FMNL1: variants seen among roughly 807,000 people sequenced by gnomAD.
FMNL1 encodes the protein formin-like protein 1.
A neutral mutation model predicts 121.3 loss-of-function variants in FMNL1; 43 were observed. That is an observed-to-expected ratio of 0.35 (90% CI 0.28 to 0.46). FMNL1 has a LOEUF of 0.46. Among genes scored for constraint, FMNL1 ranks in the 20% least tolerant of loss-of-function variants. The pLI is 1.00. For synonymous variants in FMNL1, 613 were observed against 613.5 expected (o/e 1.00, Z 0.01); for missense variants, 1,191 against 1,482.4 (o/e 0.80, Z 3.23).
intron 7 of FMNL1, 75 bp downstream of exon 7, chr17:45,236,319 G>C (rs1187934980): frequency 2.4e-6 from 3 of 1,268,372 alleles, no homozygotes; most frequent in Non-Finnish European, 3.4e-6. Context: ...AGCTGCCGAG[G>C]CTCTGGGATC....
At chr17:45,238,244 C>G (rs1246621483) in intron 9 of FMNL1, 1 of 293,804 alleles carries the variant, frequency 3.4e-6, no homozygotes, top group African/African-American at 2.2e-5. Context: ...TCAGGGAAGG[C>G]CTCACTGAGC....
chr17:45,234,374 CAG>C (rs2043506351), intron 6 of FMNL1, 174 bp downstream of exon 6: 1 of 1,135,436 alleles, frequency 8.8e-7, no homozygotes, highest in Non-Finnish European at 1.3e-6. Context: ...AAGAAGCCAT[CAG>C]GGGTGGGGCT....
chr17:45,229,352 C>T (rs921381714), intron 1 of FMNL1, among the ~76,000 whole-genome samples: 6 of 152,206 alleles, frequency 3.9e-5, no homozygotes, highest in South Asian at 2.1e-4. Context: ...GGCTGGAGCC[C>T]CAGAACTAGG....
chr17:45,232,347 A>G lies in FMNL1; in HGVS notation c.214-20A>G. The G allele has an allele frequency of 6.2e-7, 1 of 1,611,452 alleles. No homozygotes were observed. Among genetic ancestry groups the G allele is most frequent in the East Asian group, 2.2e-5 (1 of 44,854 alleles). ...GGTAGCTCTGGCTGGTTTTCTGTAC[A>G]CCCCATTCCATCTCCCCAGGAGCGG... On this transcript the variant is annotated intron_variant, in intron 2 of 26. Transcript: ENST00000331495.
In FMNL1 at chr17:45,233,840, A is replaced by G; in HGVS notation, c.485+109A>G. On this transcript the variant is annotated intron_variant, in intron 5 of 26. Transcript: ENST00000331495. The surrounding 1 kb of genome is among the most constrained non-coding windows in gnomAD (Gnocchi z 4.1). ...GTTTCAAGCCAGGCAGCCCGAGCCT[A>G]CCCTGGAACCCTCCACTTGGCCTTG... The G allele has an allele frequency of 7.0e-7, 1 of 1,436,204 alleles. No individual in the cohort carries two copies. Among genetic ancestry groups the G allele is most frequent in the Non-Finnish European group, 9.4e-7 (1 of 1,058,902 alleles). 89.0% of individuals were successfully genotyped at this position (1,436,204 alleles called of 1,614,324 possible).
Position 45,241,602 on chromosome 17 carries a change from C to A in FMNL1, c.1553C>A (p.Thr518Asn), listed in dbSNP as rs974665123. The change falls in exon 14 of 27, where the codon ACT becomes AAT. Residue 518 changes from threonine to asparagine, a missense_variant. Thr to Asn is a moderately conservative substitution (Grantham distance 65). Around this residue, in one of 4 missense-constraint regions of FMNL1, gnomAD observed 519 missense variants for 492.8 expected, o/e 1.05. Coordinates refer to ENST00000331495, the MANE Select transcript of FMNL1 (RefSeq NM_005892.4). This position sits in a 1 kb window ranked among gnomAD's most constrained non-coding sequence, Gnocchi z 7.0. ...ACTCCGAGCGGCGGTGATGCTCCGA[C>A]TCCGGGGGTGCCGACCGGCTCCCCC... ...VATPSGGDAPTPGVPTGSPSP... is the reference protein window; with the variant it reads ...VATPSGGDAPNPGVPTGSPSP... 2 of 1,537,912 alleles carry A rather than the reference C, an allele frequency of 1.3e-6. No homozygotes were observed. Among genetic ancestry groups the A allele is most frequent in the South Asian group, 2.4e-5 (2 of 83,268 alleles).
intron 9 of FMNL1, 112 bp from the exon 10 acceptor site, chr17:45,238,452 C>A: frequency 1.8e-6 from 2 of 1,099,658 alleles, no homozygotes; most frequent in South Asian, 1.4e-5. Flanking sequence ...AGTGACGTGG[C>A]TCAACTTAGA....
chr17:45,244,361 G>A (rs2043780491), intron 19 of FMNL1, 117 bp downstream of exon 19: 1 of 1,279,368 alleles, frequency 7.8e-7, no homozygotes, highest in South Asian at 1.4e-5. Context: ...TCATGTACAT[G>A]CTGAGAAGGA....
rs1187379873 is a variant in FMNL1 at position 45,245,117 on chromosome 17, C to G, written c.2728+9C>G. 6.2e-7 allele frequency: 1 copy of G among 1,613,692 alleles called. No homozygotes were observed. The highest frequency in any genetic ancestry group is 8.5e-7 in the Non-Finnish European group (1 of 1,179,710). ...GGACAAGGCGGGCTCAGGTAGGAGACACACAGATCCTTGGGTGTGGGGAGG... is the reference window on the plus strand; with the variant it reads ...GGACAAGGCGGGCTCAGGTAGGAGAGACACAGATCCTTGGGTGTGGGGAGG... On this transcript the variant is annotated intron_variant, in intron 21 of 26. Transcript: ENST00000331495.
At chr17:45,229,404 G>A (rs1320159768) in intron 1 of FMNL1, among the ~76,000 whole-genome samples, 1 of 152,248 alleles carries the variant, frequency 6.6e-6, no homozygotes, top group East Asian at 1.9e-4. Flanking sequence ...AGTCTCAGGT[G>A]GGTGTGGCCC....
At chr17:45,224,952 C>G (rs1824452139) in intron 1 of FMNL1, among the ~76,000 whole-genome samples, 1 of 152,224 alleles carries the variant, frequency 6.6e-6, no homozygotes, top group African/African-American at 2.4e-5. Context: ...CCCTTCATGC[C>G]TTCCCCTGGG....
Position 45,246,224 on chromosome 17 carries a change from C to G in FMNL1, c.3105C>G (p.Ala1035=). The G allele has an allele frequency of 6.2e-7, 1 of 1,608,888 alleles. No homozygotes were observed. The highest frequency in any genetic ancestry group is 8.5e-7 in the Non-Finnish European group (1 of 1,175,784). ...ATTCCCCCTAGTCACCGCCAAAGGC[C>G]CGGCGGCCACAGATGGACCTCATCT... ...EPPAPKSPPK[A]RRPQMDLISE... The change falls in exon 25 of 27, where the codon GCC becomes GCG. Residue 1035 remains alanine, a synonymous_variant. Transcript: ENST00000331495.
chr17:45,245,507 T>C, intron 22 of FMNL1, 91 bp downstream of exon 22: 1 of 1,603,950 alleles, frequency 6.2e-7, no homozygotes, highest in Non-Finnish European at 8.5e-7. Context: ...TGGGACCCCT[T>C]GGGGGGATGC....
At chr17:45,229,668 G>C in intron 1 of FMNL1, among the ~76,000 whole-genome samples, 1 of 152,174 alleles carries the variant, frequency 6.6e-6, no homozygotes, top group Non-Finnish European at 1.5e-5. Flanking sequence ...AGCCAAGTCT[G>C]GGGGTCCAGA....
intron 11 of FMNL1, chr17:45,240,244 A>C (rs2043652768): frequency 6.3e-6 from 2 of 318,926 alleles, no homozygotes; most frequent in Non-Finnish European, 1.1e-5. Flanking sequence ...ATGTTCTGGA[A>C]TTAGATAATG....
chr17:45,244,150 T>C, intron 18 of FMNL1, 26 bp from the exon 19 acceptor site: 1 of 1,611,894 alleles, frequency 6.2e-7, no homozygotes, highest in Non-Finnish European at 8.5e-7. Flanking sequence ...CTCCAACTTA[T>C]CTTACCTCCC....
chr17:45,245,930 C>T lies in FMNL1; in HGVS notation c.3047C>T (p.Ala1016Val), dbSNP rs1313278764. Residue 1016 changes from alanine (A) to valine (V), a missense_variant, in exon 24 of 27, where the codon GCA becomes GTA. Physicochemically the swap from Ala to Val is moderately conservative, Grantham distance 64 (BLOSUM62 0). Coordinates refer to ENST00000331495, the MANE Select transcript of FMNL1 (RefSeq NM_005892.4). ...QWKKEAAAQE[A>V]GADTPGKGEP... is the part of the protein sequence containing the mutation. ...AAAAAAGAAGCCGCTGCCCAGGAGG[C>T]AGGCGCTGATACCCCGGGCAAAGGG... 2 of 1,587,146 alleles carry T rather than the reference C, an allele frequency of 1.3e-6. No individual in the cohort carries two copies. The highest frequency in any genetic ancestry group is 2.7e-5 in the African/African-American group (2 of 73,030).
rs2043578688 is a variant in FMNL1 at position 45,237,549 on chromosome 17, C to G, written c.804C>G (p.Thr268=). The G allele has an allele frequency of 5.6e-6, 9 of 1,614,166 alleles. No homozygotes were observed. Among genetic ancestry groups the G allele is most frequent in the Non-Finnish European group, 7.6e-6 (9 of 1,180,024 alleles). The part of the protein sequence containing the change: ...ALSLNNKNPR[T]KALVLELLAA... ...AACCTGCCCCTTCTCTCTCCAGAAC[C>G]AAGGCTCTGGTGCTGGAGCTGCTGG... is the stretch of plus-strand genomic sequence containing the variant. The change falls in exon 9 of 27, where the codon ACC becomes ACG. Residue 268 remains threonine, a synonymous_variant. Transcript: ENST00000331495. The surrounding 1 kb of genome is among the most constrained non-coding windows in gnomAD (Gnocchi z 4.4).
Position 45,238,958 on chromosome 17 carries a change from G to A in FMNL1, c.973G>A (p.Ala325Thr). 6.2e-7 allele frequency: 1 copy of A among 1,614,024 alleles called. No homozygotes were observed. Among genetic ancestry groups the A allele is most frequent in the South Asian group, 1.1e-5 (1 of 91,074 alleles). ...TCCCCATGTCCCTGGCTCCCAGGTG[G>A]CCTGCATGCAGTTCATCAACATTGT... ...NEDSNIDFMV[A>T]CMQFINIVVH... is the part of the protein sequence containing the mutation. The change falls in exon 11 of 27, where the codon GCC (alanine) becomes ACC (threonine). Residue 325 changes from alanine to threonine, a missense_variant. Ala to Thr is a moderately conservative substitution (Grantham distance 58). Around this residue, in one of 4 missense-constraint regions of FMNL1, gnomAD observed 253 missense variants for 417.5 expected, o/e 0.61. Coordinates refer to ENST00000331495, the MANE Select transcript of FMNL1 (RefSeq NM_005892.4).
Sources: allele counts gnomAD v4.1 joint callset (sites outside exome capture counted in the v4.1 genomes callset), GRCh38; gene constraint gnomAD v4.1.1; regional missense constraint gnomAD v4.1.1; non-coding constraint Gnocchi (gnomAD v3.1); transcripts MANE v1.5; gene names NCBI Gene and HGNC (gene_info 2026-07-23, HGNC 2026-07-21).